GPR160: variants seen among roughly 807,000 people sequenced by gnomAD.
GPR160 encodes G protein-coupled receptor 160, also known as probable G protein-coupled receptor 160.
A neutral mutation model predicts 2.6 loss-of-function variants in GPR160; 2 were observed. The ratio of observed to expected loss-of-function variants is 0.77; its 90% CI spans 0.32 to 2.44. GPR160 has a LOEUF of 2.44. Ranked by LOEUF, GPR160 falls within the 30% of genes most tolerant of loss-of-function variation. The pLI is 0.11. For synonymous variants in GPR160, 130 were observed against 132.2 expected, an observed-to-expected ratio of 0.98 and a Z score of 0.12; for missense variants, 351 against 383.6, an observed-to-expected ratio of 0.91 and a Z score of 0.71.
chr3:170,069,709 A>G (rs1712501041), intron 2 of GPR160, among the ~76,000 whole-genome samples: 1 of 152,190 alleles, frequency 6.6e-6, no homozygotes, highest in Admixed American at 6.5e-5. Context: ...CACACACTGC[A>G]TTATGTTGGC....
At chr3:170,082,192 GTA>G (rs928388874) in intron 3 of GPR160, among the ~76,000 whole-genome samples, 29 of 152,112 alleles carry the variant, frequency 1.9e-4, no homozygotes, top group African/African-American at 6.8e-4. Flanking sequence ...TCCTATGCAT[GTA>G]TTTCTTACAT....
At chr3:170,065,982 A>G (rs1712308098) in intron 2 of GPR160, among the ~76,000 whole-genome samples, 1 of 151,732 alleles carries the variant, frequency 6.6e-6, no homozygotes, top group African/African-American at 2.4e-5. Flanking sequence ...TACTCAAACT[A>G]CTGGGTTCAA....
chr3:170,075,416 G>A (rs1159211150), intron 2 of GPR160, among the ~76,000 whole-genome samples: 3 of 152,026 alleles, frequency 2.0e-5, no homozygotes, highest in Non-Finnish European at 4.4e-5. Flanking sequence ...AAATTTCAAA[G>A]GATATAGAGA....
At chr3:170,083,140 CTTCT>C (rs973398478) in intron 3 of GPR160, among the ~76,000 whole-genome samples, 14 of 151,752 alleles carry the variant, frequency 9.2e-5, no homozygotes, top group African/African-American at 2.9e-4. Context: ...CTTCTTCTGA[CTTCT>C]TTCATCATCT....
chr3:170,081,307 T>TAACA (rs1283191145), intron 3 of GPR160, among the ~76,000 whole-genome samples: 1 of 152,234 alleles, frequency 6.6e-6, no homozygotes, highest in Non-Finnish European at 1.5e-5. Flanking sequence ...TGTGCCCTTG[T>TAACA]ATATCAAATC....
chr3:170,049,244 T>C (rs1716856331), intron 2 of GPR160, among the ~76,000 whole-genome samples: 1 of 152,220 alleles, frequency 6.6e-6, no homozygotes, highest in South Asian at 2.1e-4. Context: ...GTCAGCATTT[T>C]CCTGTTATTT....
At chr3:170,050,516 C>T (rs1716913035) in intron 2 of GPR160, among the ~76,000 whole-genome samples, 1 of 151,882 alleles carries the variant, frequency 6.6e-6, no homozygotes, top group South Asian at 2.1e-4. Flanking sequence ...AAGTAATTCT[C>T]CTGCCTCAGC....
chr3:170,049,578 T>C (rs561209679), intron 2 of GPR160, among the ~76,000 whole-genome samples: 1 of 152,146 alleles, frequency 6.6e-6, no homozygotes, highest in Non-Finnish European at 1.5e-5. Context: ...TCCCAGACAC[T>C]GGGTAGTGTG....
rs534587483 is a variant in GPR160, at chr3:170,058,945, G to A, written c.-193+19902G>A. ...CTAGGATGTTTTAAGGGGCAATAAA[G>A]AGTCACAAAAAGTATATCTAATGTG... On this transcript the variant is annotated intron_variant, in intron 2 of 3. Coordinates refer to ENST00000355897, the MANE Select transcript of GPR160 (RefSeq NM_014373.3). Among the ~76,000 whole-genome samples, 153 of 152,160 alleles carry A rather than the reference G, an allele frequency of 1.0e-3. 1 individual carries two copies. Among genetic ancestry groups the A allele is most frequent in the Middle Eastern group, 6.8e-3 (2 of 294 alleles).
chr3:170,038,105 G>T lies in GPR160; in HGVS notation c.-432G>T. On this transcript the variant is annotated 5_prime_UTR_variant, in exon 1 of 4. Transcript: ENST00000355897. This position sits in a 1 kb window ranked among gnomAD's most constrained non-coding sequence, Gnocchi z 5.3. ...CGCGGGGCGGGGCGGGGCGGGGCGGGACCAGGCGGGCGAGCTGGGCCCTCG... is the reference window on the plus strand; with the variant it reads ...CGCGGGGCGGGGCGGGGCGGGGCGGTACCAGGCGGGCGAGCTGGGCCCTCG... 2 of 152,732 alleles carry T rather than the reference G, an allele frequency of 1.3e-5. No homozygotes were observed. Among genetic ancestry groups the T allele is most frequent in the South Asian group, 3.6e-4 (2 of 5,484 alleles). 9.5% of individuals were successfully genotyped at this position (152,732 alleles called of 1,614,324 possible). A position where few individuals can be genotyped will look rare whatever the true frequency, so the allele number is the denominator to read the frequency against.
rs567943803 is a variant in GPR160 at position 170,061,139 on chromosome 3, G to T, written c.-192-18635G>T. ...ATAATACAAAAATTAGCCAGGCGTGGTGGCAGGCACCTGTAATCCCAGCTA... is the reference window on the plus strand; with the variant it reads ...ATAATACAAAAATTAGCCAGGCGTGTTGGCAGGCACCTGTAATCCCAGCTA... On this transcript the variant is annotated intron_variant, in intron 2 of 3. Coordinates refer to ENST00000355897, the MANE Select transcript of GPR160 (RefSeq NM_014373.3). Among the ~76,000 whole-genome samples the T allele has an allele frequency of 7.8e-4, 119 of 152,126 alleles. 1 individual carries two copies. Among genetic ancestry groups the T allele is most frequent in the African/African-American group, 2.7e-3 (112 of 41,510 alleles).
chr3:170,048,622 G>A (rs1271692600), intron 2 of GPR160, among the ~76,000 whole-genome samples: 3 of 152,182 alleles, frequency 2.0e-5, no homozygotes, highest in African/African-American at 7.2e-5. Flanking sequence ...ATGGATTCCT[G>A]TAAAAATAAG....
At chr3:170,073,380 A>G (rs1397887713) in intron 2 of GPR160, among the ~76,000 whole-genome samples, 1 of 151,804 alleles carries the variant, frequency 6.6e-6, no homozygotes, top group Non-Finnish European at 1.5e-5. Flanking sequence ...GTGAAAGTTC[A>G]TTTTCCCCCA....
Position 170,042,562 on chromosome 3 carries a change from G to A in GPR160, c.-193+3519G>A, listed in dbSNP as rs544423911. ...GTTCATGGGCTGGGTGTGGTGGCTCGCATCTGTAATCCCAGCTCTTTGGGA... is the reference window on the plus strand; with the variant it reads ...GTTCATGGGCTGGGTGTGGTGGCTCACATCTGTAATCCCAGCTCTTTGGGA... On this transcript the variant is annotated intron_variant, in intron 2 of 3. Coordinates refer to ENST00000355897, the MANE Select transcript of GPR160 (RefSeq NM_014373.3). Among the ~76,000 whole-genome samples the A allele has an allele frequency of 2.0e-5, 3 of 150,458 alleles. No individual in the cohort carries two copies. The South Asian group carries it at 6.3e-4, about 32-fold the overall frequency.
In GPR160 at chr3:170,039,935, AGAG is replaced by A. The variant is rs539652886; in HGVS notation, c.-193+896_-193+898del. Among the ~76,000 whole-genome samples, 898 of 151,586 alleles carry A rather than the reference AGAG, an allele frequency of 5.9e-3. 14 individuals carry two copies. Among genetic ancestry groups the A allele is most frequent in the African/African-American group, 0.021 (863 of 41,380 alleles). The stretch of plus-strand genomic sequence containing the variant: ...GCAGAGAAGGGAGGGGAACAAGATG[AGAG>A]GAGATTGTTCATGGATTGTTAATAG... On this transcript the variant is annotated intron_variant, in intron 2 of 3. Transcript: ENST00000355897.
intron 2 of GPR160, among the ~76,000 whole-genome samples, chr3:170,065,928 CTTTT>C (rs1044926119): frequency 2.7e-5 from 4 of 147,966 alleles, no homozygotes; most frequent in African/African-American, 9.9e-5. Flanking sequence ...CTGTCTTTAA[CTTTT>C]TTTTTTAAGA....
chr3:170,052,512 C>T (rs1717001479), intron 2 of GPR160, among the ~76,000 whole-genome samples: 1 of 152,168 alleles, frequency 6.6e-6, no homozygotes, highest in Non-Finnish European at 1.5e-5. Context: ...TTGCTATTGG[C>T]CATTTGTACA....
chr3:170,051,746 C>A (rs1005245461), intron 2 of GPR160, among the ~76,000 whole-genome samples: 1 of 152,026 alleles, frequency 6.6e-6, no homozygotes, highest in Non-Finnish European at 1.5e-5. Flanking sequence ...AAATAAAAAA[C>A]AAATAAATAG....
At position 170,084,352 on chromosome 3, in the gene GPR160, C is replaced by A. The variant is rs907282986; in HGVS notation, c.380C>A (p.Thr127Lys). 1 of 1,609,034 alleles carries A rather than the reference C, an allele frequency of 6.2e-7. No individual in the cohort carries two copies. The highest frequency in any genetic ancestry group is 8.5e-7 in the Non-Finnish European group (1 of 1,176,654). The change falls in exon 4 of 4, where the codon ACA becomes AAA. Residue 127 changes from threonine to lysine, a missense_variant. Physicochemically the swap from Thr to Lys is moderately conservative, Grantham distance 78. Coordinates refer to ENST00000355897, the MANE Select transcript of GPR160 (RefSeq NM_014373.3). ...CIDYCLNFSK[T>K]TKLSFKCQKL... is the part of the protein sequence containing the mutation. ...GATTATTGCCTGAATTTCTCTAAAA[C>A]AACCAAGCTTTCATTTAAGTGTCAA...
Sources: allele counts gnomAD v4.1 joint callset (sites outside exome capture counted in the v4.1 genomes callset), GRCh38; gene constraint gnomAD v4.1.1; non-coding constraint Gnocchi (gnomAD v3.1); transcripts MANE v1.5; gene names NCBI Gene and HGNC (gene_info 2026-07-23, HGNC 2026-07-21).